The following IL19 variants were observed in gnomAD, a reference collection of about 807,000 sequenced individuals.
The protein encoded by IL19 is interleukin-19.
IL19 carries 15 observed loss-of-function variants against 19.5 expected under a neutral mutation model. The ratio of observed to expected loss-of-function variants is 0.77; its 90% confidence interval spans 0.52 to 1.19. The LOEUF is 1.19. IL19 is among the 50% of genes most tolerant of loss of function. IL19 has a pLI of 0.00. For synonymous variants in IL19, 78 were observed against 78.3 expected (o/e 1.00, Z 0.02); for missense variants, 199 against 213.1 (o/e 0.93, Z 0.41).
chr1:206,840,139 C>T, intron 5 of IL19, 137 bp downstream of exon 5: 2 of 967,016 alleles, frequency 2.1e-6, no homozygotes, highest in South Asian at 1.3e-5. Context: ...ACAGGGAGAA[C>T]TGTGGAGAAC....
chr1:206,841,899 A>G (rs971387782), intron 6 of IL19, among the ~76,000 whole-genome samples: 1 of 152,222 alleles, frequency 6.6e-6, no homozygotes, highest in Non-Finnish European at 1.5e-5. Flanking sequence ...AACTAAACTA[A>G]GTTCACACTG....
At chr1:206,771,355 C>T (rs1674834967) in intron 1 of IL19, 2 of 1,613,318 alleles carry the variant, frequency 1.2e-6, no homozygotes, top group African/African-American at 1.3e-5. Flanking sequence ...CCTGCTCTCA[C>T]CTTAAAGTCC....
At chr1:206,834,706 ATT>A (rs1676725648) in intron 2 of IL19, among the ~76,000 whole-genome samples, 4 of 152,184 alleles carry the variant, frequency 2.6e-5, no homozygotes, top group Admixed American at 2.6e-4. Flanking sequence ...ATGTGTTATC[ATT>A]GTTTAATCCT....
chr1:206,842,719 C>A lies in IL19; in HGVS notation c.*97C>A. The A allele has an allele frequency of 1.4e-6, 1 of 700,960 alleles. No homozygotes were observed. The highest frequency in any genetic ancestry group is 2.8e-5 in the East Asian group (1 of 35,516). 43.4% of individuals were successfully genotyped at this position (700,960 alleles called of 1,614,324 possible). On this transcript the variant is annotated 3_prime_UTR_variant, in exon 7 of 7. Coordinates refer to ENST00000659997, the MANE Select transcript of IL19 (RefSeq NM_153758.5). ...TTGAAGGGGAAGGAGATGGGGAAGGCCCCTTGCAGCTGAAAGTCCCACTGG... is the reference window on the plus strand; with the variant it reads ...TTGAAGGGGAAGGAGATGGGGAAGGACCCTTGCAGCTGAAAGTCCCACTGG...
chr1:206,837,053 T>C, intron 4 of IL19, 30 bp downstream of exon 4: 1 of 1,554,100 alleles, frequency 6.4e-7, no homozygotes, highest in Non-Finnish European at 8.9e-7. Flanking sequence ...TTTTCCAGTA[T>C]TTTTATCTTC....
chr1:206,782,264 T>A (rs1458912903), intron 1 of IL19, among the ~76,000 whole-genome samples: 2 of 152,132 alleles, frequency 1.3e-5, no homozygotes, highest in Non-Finnish European at 2.9e-5. Flanking sequence ...CAAGCATTTT[T>A]AACTCTCTGG....
At chr1:206,808,553 T>G (rs906761596) in intron 2 of IL19, among the ~76,000 whole-genome samples, 2 of 147,472 alleles carry the variant, frequency 1.4e-5, no homozygotes, top group African/African-American at 2.5e-5. Context: ...TGGGGTGAGG[T>G]AGGAAAAAAC....
At chr1:206,786,424 G>A (rs919902901) in intron 1 of IL19, among the ~76,000 whole-genome samples, 2 of 152,140 alleles carry the variant, frequency 1.3e-5, no homozygotes, top group African/African-American at 2.4e-5. Context: ...AGTGGAGGGA[G>A]AGTTAGTGTC....
At chr1:206,775,202 G>A (rs982359756) in intron 1 of IL19, among the ~76,000 whole-genome samples, 1 of 151,816 alleles carries the variant, frequency 6.6e-6, no homozygotes, top group Admixed American at 6.6e-5. Context: ...CACCACGCCC[G>A]GCTAAGTTTT....
chr1:206,821,702 G>T (rs540685795), intron 2 of IL19, among the ~76,000 whole-genome samples: 1 of 152,372 alleles, frequency 6.6e-6, no homozygotes, highest in East Asian at 1.9e-4. Context: ...CCTGCCAGGT[G>T]CTTCTAAGCT....
intron 1 of IL19, among the ~76,000 whole-genome samples, chr1:206,781,576 C>T (rs1457678607): frequency 6.6e-6 from 1 of 151,824 alleles, no homozygotes; most frequent in Non-Finnish European, 1.5e-5. Flanking sequence ...GTGTTTTGTG[C>T]ATTTTGGATG....
rs1252643534 is a variant in IL19 at position 206,798,933 on chromosome 1, T to A, written c.-76T>A. On this transcript the variant is annotated 5_prime_UTR_variant, in exon 2 of 7. An upstream open reading frame in the 5' UTR gains an earlier in-frame stop. Transcript: ENST00000659997. ...GAGCGTTTCCGCACAGATCTGCGTG[T>A]TCCTTACCACTCACACATGTGCACA... The A allele has an allele frequency of 6.2e-7, 1 of 1,613,970 alleles. No individual in the cohort carries two copies. The highest frequency in any genetic ancestry group is 1.7e-5 in the Admixed American group (1 of 60,024).
At chr1:206,795,258 G>A (rs1173885896) in intron 1 of IL19, among the ~76,000 whole-genome samples, 2 of 152,200 alleles carry the variant, frequency 1.3e-5, no homozygotes, top group African/African-American at 2.4e-5. Flanking sequence ...CCTTGAAGCT[G>A]CAGCACTTTT....
At chr1:206,834,025 C>A in intron 2 of IL19, 1 of 985,532 alleles carries the variant, frequency 1.0e-6, no homozygotes, top group South Asian at 4.7e-5. Context: ...GCAGGGTACA[C>A]TTGGTAACGT....
Position 206,833,558 on chromosome 1 carries a change from C to A in IL19, c.-2-3103C>A, listed in dbSNP as rs1269329348. On this transcript the variant is annotated intron_variant, in intron 2 of 6. Transcript: ENST00000659997. The stretch of plus-strand genomic sequence containing the variant: ...TTAATGGGAAGAAACTGTTTATACC[C>A]TATCTTTTCATTGCCCCAAACCTGA... 5 of 530,022 alleles carry A rather than the reference C, an allele frequency of 9.4e-6. No individual in the cohort carries two copies. In the East Asian group the frequency reaches 5.7e-4, roughly 61 times the overall value. 32.8% of individuals were successfully genotyped at this position (530,022 alleles called of 1,614,324 possible). A position where few individuals can be genotyped will look rare whatever the true frequency, so the allele number is the denominator to read the frequency against.
intron 1 of IL19, among the ~76,000 whole-genome samples, chr1:206,771,605 C>T (rs754505107): frequency 1.3e-5 from 2 of 152,126 alleles, no homozygotes; most frequent in Non-Finnish European, 2.9e-5. Flanking sequence ...ATCAGGTCCT[C>T]CTCCTCAGAG....
chr1:206,783,094 GA>G (rs1675185448), intron 1 of IL19, among the ~76,000 whole-genome samples: 1 of 152,172 alleles, frequency 6.6e-6, no homozygotes, highest in Non-Finnish European at 1.5e-5. Context: ...GGTGAACTTA[GA>G]AATCATTTTA....
chr1:206,799,731 CAGG>C (rs1309227527), intron 2 of IL19, among the ~76,000 whole-genome samples: 1 of 152,180 alleles, frequency 6.6e-6, no homozygotes, highest in Non-Finnish European at 1.5e-5. Context: ...CAGCTATAGC[CAGG>C]AGACCAGGGT....
chr1:206,799,130 T>A (rs1675608283), intron 2 of IL19, 124 bp downstream of exon 2: 12 of 717,978 alleles, frequency 1.7e-5, no homozygotes, highest in Non-Finnish European at 2.9e-5. Flanking sequence ...CAGGACTGCC[T>A]TTGTCTGTCA....
Sources: gnomAD v4.1 joint callset for allele counts (sites outside exome capture counted in the v4.1 genomes callset) on GRCh38, gnomAD v4.1.1 for gene constraint, MANE v1.5 for transcripts, NCBI Gene and HGNC (gene_info 2026-07-23, HGNC 2026-07-21) for gene names.